ABCA7: variants seen among roughly 807,000 people sequenced by gnomAD.
ABCA7 encodes the protein ATP binding cassette subfamily A member 7.
ABCA7 carries 261 observed loss-of-function variants against 227.6 expected under a neutral mutation model. That is an observed-to-expected ratio of 1.15 (90% confidence interval 1.04 to 1.27). ABCA7 has a LOEUF of 1.27. ABCA7 is among the 50% of genes most tolerant of loss of function. ABCA7 has a pLI of 0.00. For synonymous variants in ABCA7, 1,488 were observed against 1,279.7 expected, an observed-to-expected ratio of 1.16 and a Z score of -3.47; for missense variants, 3,331 against 2,924.5, an observed-to-expected ratio of 1.14 and a Z score of -3.21.
At chr19:1,052,962 C>T (rs1403480111) in intron 23 of ABCA7, among the ~76,000 whole-genome samples, 2 of 152,084 alleles carry the variant, frequency 1.3e-5, no homozygotes, top group African/African-American at 2.4e-5. Flanking sequence ...GGTGTGATCT[C>T]AGCTCACTGC....
chr19:1,056,918 C>A lies in ABCA7; in HGVS notation c.4598C>A (p.Ser1533Ter). The change falls in exon 34 of 47, where the codon TCG becomes TAG. Residue 1533 changes from serine (S) to a stop codon, truncating the protein, a stop_gained. Transcript: ENST00000263094. LOFTEE classifies it high-confidence loss of function. The surrounding 1 kb of genome is among the most constrained non-coding windows in gnomAD (Gnocchi z 4.3). The stretch of plus-strand genomic sequence containing the variant: ...GTCTTCACCTCCAGGATGGCCTCCT[C>A]GGTGGACGTCCTCGTCTCCATCTGT... The part of the protein sequence containing the change: ...QLSEGALMAS[S>*]VDVLVSICVV... 4 of 1,613,580 alleles carry A rather than the reference C, an allele frequency of 2.5e-6. No homozygotes were observed. The East Asian group carries it at 8.9e-5, about 36-fold the overall frequency.
chr19:1,065,334 G>C lies in ABCA7; in HGVS notation c.6350G>C (p.Gly2117Ala), dbSNP rs778647773. Residue 2117 changes from glycine to alanine, a missense_variant, in exon 47 of 47, where the codon GGA (glycine) becomes GCA (alanine). Gly to Ala is a moderately conservative substitution (Grantham distance 60). Coordinates refer to ENST00000263094, the MANE Select transcript of ABCA7 (RefSeq NM_019112.4). Reference protein sequence around the residue: ...DEDTEEQKEAGVGVDPAPGLQ... With the variant: ...DEDTEEQKEAAVGVDPAPGLQ... ...GACACCGAAGAGCAGAAGGAGGCAG[G>C]AGTGGGAGTGGACCCCGCGCCAGGC... 1.2e-5 allele frequency: 20 copies of C among 1,613,676 alleles called. No individual in the cohort carries two copies. The highest frequency in any genetic ancestry group is 1.7e-5 in the Admixed American group (1 of 60,024).
chr19:1,049,168 G>A, intron 17 of ABCA7, 98 bp from the exon 18 acceptor site: 5 of 1,412,488 alleles, frequency 3.5e-6, no homozygotes, highest in South Asian at 2.7e-5. Context: ...TATAGGCCCC[G>A]GCCCAGCAGG....
chr19:1,058,941 G>A lies in ABCA7; in HGVS notation c.5400+1G>A. ...GTTGGTGCTGAGGAACTTGACCAAG[G>A]TAGGTGTGGTCAGGTCGACTGCTGG... On this transcript the variant is annotated splice_donor_variant, in intron 39 of 46. Transcript: ENST00000263094. LOFTEE classifies it high-confidence loss of function. 1 of 1,608,064 alleles carries A rather than the reference G, an allele frequency of 6.2e-7. No individual in the cohort carries two copies. The highest frequency in any genetic ancestry group is 8.5e-7 in the Non-Finnish European group (1 of 1,175,938).
intron 42 of ABCA7, among the ~76,000 whole-genome samples, chr19:1,063,009 G>C (rs3859567): frequency 0.63 from 23,218 of 37,114 alleles, 6,450 homozygotes; most frequent in Admixed American, 0.7. Context: ...ACTCATGCTG[G>C]CTCCACCCAC....
chr19:1,053,272 G>A (rs1599664994), intron 23 of ABCA7, 57 bp from the exon 24 acceptor site: 2 of 1,525,430 alleles, frequency 1.3e-6, no homozygotes, highest in Non-Finnish European at 1.8e-6. Flanking sequence ...TCTTCCCCAG[G>A]GAGACTGGGG....
intron 12 of ABCA7, 55 bp downstream of exon 12, chr19:1,045,286 G>A (rs922106212): frequency 8.8e-6 from 13 of 1,483,602 alleles, no homozygotes; most frequent in African/African-American, 1.4e-5. Flanking sequence ...CAAGAGCGTG[G>A]TGGGTGGGGC....
Position 1,054,630 on chromosome 19 carries a change from T to C in ABCA7, c.3787T>C (p.Phe1263Leu), listed in dbSNP as rs2042082137. The change falls in exon 28 of 47, where the codon TTC becomes CTC. Residue 1263 changes from phenylalanine to leucine, a missense_variant. Coordinates refer to ENST00000263094, the MANE Select transcript of ABCA7 (RefSeq NM_019112.4). This position sits in a 1 kb window ranked among gnomAD's most constrained non-coding sequence, Gnocchi z 4.8. ...CGTGTTCAGCCTCATCGTGCCTCCT[T>C]TCGGGCACTACCCGGCTCTGCGGCT... ...ALVFSLIVPP[F>L]GHYPALRLSP... 6.2e-7 allele frequency: 1 copy of C among 1,613,392 alleles called. No homozygotes were observed. Among genetic ancestry groups the C allele is most frequent in the Non-Finnish European group, 8.5e-7 (1 of 1,179,964 alleles).
At position 1,048,960 on chromosome 19, in the gene ABCA7, C is replaced by G. The variant is rs1298974736; in HGVS notation, c.2335C>G (p.Pro779Ala). ...GAGGAGCTACTGGTGCGGACCTCGG[C>G]CCCCCAAGAGTCCAGCCCCTTGCCC... ...FRRSYWCGPR[P>A]PKSPAPCPTP... is the part of the protein sequence containing the mutation. The change falls in exon 17 of 47, where the codon CCC (proline) becomes GCC (alanine). Residue 779 changes from proline (P) to alanine (A), a missense_variant. Physicochemically the swap from Pro to Ala is conservative, Grantham distance 27 (BLOSUM62 -1). Coordinates refer to ENST00000263094, the MANE Select transcript of ABCA7 (RefSeq NM_019112.4). 2.5e-6 allele frequency: 4 copies of G among 1,608,406 alleles called. No individual in the cohort carries two copies. In the African/African-American group the frequency reaches 4.0e-5, roughly 16 times the overall value.
At chr19:1,062,024 C>T in intron 41 of ABCA7, 136 bp downstream of exon 41, 1 of 1,438,424 alleles carries the variant, frequency 7.0e-7, no homozygotes, top group African/African-American at 1.4e-5. Flanking sequence ...CCCTGCACCT[C>T]TACCTCCCAC....
Position 1,047,102 on chromosome 19 carries a change from C to A in ABCA7, c.1846-55C>A, listed in dbSNP as rs3752236. ...AGACAGGGGCGGCCCCACGTGGGTG[C>A]GCGCCCCCAGGCCAATCCAGGAGCT... On this transcript the variant is annotated intron_variant, in intron 14 of 46. Transcript: ENST00000263094. The A allele has an allele frequency of 0.011, 17,387 of 1,559,220 alleles. 475 individuals are homozygous for A. The highest frequency in any genetic ancestry group is 0.072 in the South Asian group (6,215 of 86,102).
rs144546979 is a variant in ABCA7 at position 1,041,910 on chromosome 19, C to T, written c.240C>T (p.Thr80=). 1.9e-4 allele frequency: 310 copies of T among 1,601,344 alleles called. No homozygotes were observed. Among genetic ancestry groups the T allele is most frequent in the Non-Finnish European group, 2.4e-4 (279 of 1,178,682 alleles). ...GTCTCATCTGTAATGTGAACAACAC[C>T]TGCTTTCCGCAGCTGACACCGGGCG... ...LQGLICNVNN[T]CFPQLTPGEE... is the part of the protein sequence containing the mutation. Residue 80 remains threonine (T), a synonymous_variant, in exon 4 of 47, where the codon ACC becomes ACT. Transcript: ENST00000263094.
At chr19:1,051,809 A>G (rs1455250419) in intron 21 of ABCA7, 133 bp from the exon 22 acceptor site, 2 of 1,279,470 alleles carry the variant, frequency 1.6e-6, no homozygotes, top group Non-Finnish European at 2.2e-6. Context: ...TCCAACAAGG[A>G]GGTTCTGGGG....
At position 1,063,711 on chromosome 19, in the gene ABCA7, C is replaced by T. The variant is rs1344252446; in HGVS notation, c.5847+33C>T. 5 of 1,559,934 alleles carry T rather than the reference C, an allele frequency of 3.2e-6. No individual in the cohort carries two copies. The East Asian group carries it at 9.5e-5, about 30-fold the overall frequency. On this transcript the variant is annotated intron_variant, in intron 43 of 46. Transcript: ENST00000263094. Reference sequence around the variant, plus strand: ...GGAGCGGTGCCTGGGTGGGGTGGGGCCTGCGACGGAGGCGGGGCCTTGCTT... The same window carrying T: ...GGAGCGGTGCCTGGGTGGGGTGGGGTCTGCGACGGAGGCGGGGCCTTGCTT...
intron 10 of ABCA7, among the ~76,000 whole-genome samples, chr19:1,044,157 G>C (rs2040359128): frequency 6.7e-6 from 1 of 150,318 alleles, no homozygotes; most frequent in African/African-American, 2.5e-5. Context: ...AGCCAGGATG[G>C]TCTCGATCTC....
rs557391086 is a variant in ABCA7 at position 1,043,905 on chromosome 19, G to A, written c.1047+64G>A. The A allele has an allele frequency of 8.7e-5, 126 of 1,443,048 alleles. No individual in the cohort carries two copies. The African/African-American group carries it at 1.1e-3, about 13-fold the overall frequency. 89.4% of individuals were successfully genotyped at this position (1,443,048 alleles called of 1,614,324 possible). A position where few individuals can be genotyped will look rare whatever the true frequency, so the allele number is the denominator to read the frequency against. ...GGTGAGGAGGGTAGACAGGCCCGGT[G>A]GATGGGAAGGTGGGCTCCGTGCAGA... On this transcript the variant is annotated intron_variant, in intron 10 of 46. Transcript: ENST00000263094.
At chr19:1,048,504 A>C in intron 16 of ABCA7, among the ~76,000 whole-genome samples, 1 of 131,860 alleles carries the variant, frequency 7.6e-6, no homozygotes, top group Non-Finnish European at 1.6e-5. Flanking sequence ...CTCAAAAAAA[A>C]AAAAACAAAA....
Position 1,046,970 on chromosome 19 carries a change from C to A in ABCA7, c.1791C>A (p.Leu597=). The A allele has an allele frequency of 6.3e-7, 1 of 1,583,914 alleles. No homozygotes were observed. The highest frequency in any genetic ancestry group is 8.6e-7 in the Non-Finnish European group (1 of 1,168,836). Residue 597 remains leucine, a synonymous_variant, in exon 14 of 47, where the codon CTC becomes CTA. Transcript: ENST00000263094. The stretch of plus-strand genomic sequence containing the variant: ...CGGTGCTCTGGCTAGGCTGGTTCCT[C>A]AGCTGCCTCGGGCCCTTCCTGCTCA... ...SRAVLWLGWF[L]SCLGPFLLSA...
Position 1,057,375 on chromosome 19 carries a change from C to G in ABCA7, c.4826C>G (p.Ala1609Gly), listed in dbSNP as rs775044230. The G allele has an allele frequency of 6.2e-7, 1 of 1,613,952 alleles. No homozygotes were observed. Among genetic ancestry groups the G allele is most frequent in the South Asian group, 1.1e-5 (1 of 91,088 alleles). ...ATCTTTCTGGCCTTCCAGCAGAGGG[C>G]ATATGTGGCCCCTGCCAACCTGCCT... Reference protein sequence around the residue: ...VLIFLAFQQRAYVAPANLPAL... With the variant: ...VLIFLAFQQRGYVAPANLPAL... Residue 1609 changes from alanine (A) to glycine (G), a missense_variant, in exon 35 of 47, where the codon GCA becomes GGA. Ala to Gly is a moderately conservative substitution (Grantham distance 60). Transcript: ENST00000263094.
Sources: gnomAD v4.1 joint callset for allele counts (sites outside exome capture counted in the v4.1 genomes callset) on GRCh38, gnomAD v4.1.1 for gene constraint, Gnocchi (gnomAD v3.1) non-coding constraint, MANE v1.5 for transcripts, NCBI Gene and HGNC (gene_info 2026-07-23, HGNC 2026-07-21) for gene names.